Variants in ZNF362 observed in about 807,000 individuals in gnomAD.
ZNF362 encodes rotund homolog.
ZNF362 carries 11 observed loss-of-function variants against 42.9 expected under a neutral mutation model. The ratio of observed to expected loss-of-function variants is 0.26; its 90% CI spans 0.16 to 0.42. The LOEUF (loss-of-function observed/expected upper bound fraction) is 0.42. Ranked by LOEUF, ZNF362 falls within the 20% of genes least tolerant of loss-of-function variation. The pLI, the probability that ZNF362 is intolerant of heterozygous loss-of-function variation, is 1.00. For synonymous variants in ZNF362, 255 were observed against 257.3 expected (o/e 0.99, Z 0.09); for missense variants, 362 against 576.2 (o/e 0.63, Z 3.81).
At chr1:33,166,370 A>G in the ZNF362 span, 1 of 150,890 alleles carries the variant, frequency 6.6e-6, no homozygotes, top group Admixed American at 6.6e-5. Context: ...ATTGTCTTCC[A>G]TGAAGCTGGT....
the ZNF362 span, among the ~76,000 whole-genome samples, chr1:33,223,569 G>A: frequency 6.6e-6 from 1 of 152,120 alleles, no homozygotes; most frequent in Non-Finnish European, 1.5e-5. Context: ...GTAATTTTGG[G>A]TGAATCAGAA....
rs1042378725 is a variant in ZNF362 at position 33,276,461 on chromosome 1, G to A, written c.216G>A (p.Pro72=). The A allele has an allele frequency of 1.7e-5, 27 of 1,551,056 alleles. No individual in the cohort carries two copies. The highest frequency in any genetic ancestry group is 5.9e-5 in the South Asian group (5 of 84,562). The change falls in exon 4 of 9, where the codon CCG becomes CCA. Residue 72 remains proline (P), a synonymous_variant. Transcript: ENST00000539719. The part of the protein sequence containing the change: ...SASSQQPLLV[P]PAPAESSQAV... ...CGTCGCAGCAGCCGTTGCTAGTGCC[G>A]CCGGCACCCGCCGAGAGCAGCCAGG...
the ZNF362 span, among the ~76,000 whole-genome samples, chr1:33,185,193 T>A: frequency 6.6e-6 from 1 of 152,138 alleles, no homozygotes. Context: ...GGACATAGTA[T>A]GTGGTTTTCT....
In ZNF362 at chr1:33,280,179, C is replaced by A; in HGVS notation, c.405C>A (p.Gly135=). ...TGAGCACTTCTGAGTCAAGCGCGGG[C>A]GCGGGCACGGGCACGGGTACCAGCA... ...PSVSTSESSA[G]AGTGTGTSTP... Residue 135 remains glycine, a synonymous_variant, in exon 5 of 9, where the codon GGC becomes GGA. Transcript: ENST00000539719. The surrounding 1 kb of genome is among the most constrained non-coding windows in gnomAD (Gnocchi z 5.6). 6.2e-7 allele frequency: 1 copy of A among 1,611,964 alleles called. No individual in the cohort carries two copies. The highest frequency in any genetic ancestry group is 2.2e-5 in the East Asian group (1 of 44,822).
chr1:33,273,277 C>G (rs1200986040), intron 2 of ZNF362, among the ~76,000 whole-genome samples: 1 of 152,246 alleles, frequency 6.6e-6, no homozygotes, highest in Non-Finnish European at 1.5e-5. Flanking sequence ...CATTAAATTA[C>G]TTAGAACCAG....
intron 6 of ZNF362, among the ~76,000 whole-genome samples, chr1:33,284,642 G>A (rs1354549409): frequency 6.6e-6 from 1 of 152,008 alleles, no homozygotes; most frequent in Non-Finnish European, 1.5e-5. Flanking sequence ...ATTCTGAAGA[G>A]TTAGTTGGAA....
chr1:33,133,046 AG>A, the ZNF362 span, among the ~76,000 whole-genome samples: 1 of 152,214 alleles, frequency 6.6e-6, no homozygotes, highest in East Asian at 1.9e-4. Flanking sequence ...CTCCTTGGTA[AG>A]GTTCCCTGCG....
chr1:33,256,393 C>G (rs1557784272), upstream of ZNF362, among the ~76,000 whole-genome samples: 1 of 138,808 alleles, frequency 7.2e-6, no homozygotes. Flanking sequence ...AGCCGGGCGC[C>G]TGGCGCGGGG....
the ZNF362 span, among the ~76,000 whole-genome samples, chr1:33,169,009 C>T: frequency 3.0e-5 from 2 of 66,140 alleles, no homozygotes; most frequent in African/African-American, 1.3e-4. Flanking sequence ...TTGCTCCTTC[C>T]TCCTGGATCC....
the ZNF362 span, among the ~76,000 whole-genome samples, chr1:33,243,337 C>T: frequency 4.6e-5 from 7 of 151,738 alleles, no homozygotes; most frequent in Non-Finnish European, 1.0e-4. Context: ...CCGCACCACC[C>T]GGCTAATTTT....
At chr1:33,255,039 T>A (rs1373791996), upstream of ZNF362, among the ~76,000 whole-genome samples, 1 of 151,960 alleles carries the variant, frequency 6.6e-6, no homozygotes, top group African/African-American at 2.4e-5. Context: ...TCCTCTGTGC[T>A]CTCCCGCCAT....
chr1:33,251,450 A>G, the ZNF362 span, among the ~76,000 whole-genome samples: 3 of 151,942 alleles, frequency 2.0e-5, no homozygotes, highest in African/African-American at 7.3e-5. Context: ...AAGTCTCCTC[A>G]CTGCCCCCAG....
At chr1:33,172,818 C>T in the ZNF362 span, among the ~76,000 whole-genome samples, 1 of 152,146 alleles carries the variant, frequency 6.6e-6, no homozygotes, top group Non-Finnish European at 1.5e-5. Context: ...CTGTGGAAAG[C>T]CATCTCAGCT....
chr1:33,220,761 T>C, the ZNF362 span, among the ~76,000 whole-genome samples: 1 of 152,110 alleles, frequency 6.6e-6, no homozygotes, highest in African/African-American at 2.4e-5. Flanking sequence ...CAACATGGGG[T>C]CCCAGGAACC....
At position 33,270,519 on chromosome 1, in the gene ZNF362, T is replaced by C. The variant is rs556276741; in HGVS notation, c.-56T>C. 1 of 1,060,462 alleles carries C rather than the reference T, an allele frequency of 9.4e-7. No individual in the cohort carries two copies. Among genetic ancestry groups the C allele is most frequent in the Non-Finnish European group, 1.5e-6 (1 of 682,504 alleles). 65.7% of individuals were successfully genotyped at this position (1,060,462 alleles called of 1,614,324 possible). On this transcript the variant is annotated 5_prime_UTR_variant, in exon 2 of 9. Coordinates refer to ENST00000539719, the MANE Select transcript of ZNF362 (RefSeq NM_152493.3). ...TGGGAACACAGAGGAAGTGACTGGC[T>C]GGGGGTTCAGGGAAAGCTCCGTAGA...
chr1:33,147,708 C>G, the ZNF362 span: 15 of 1,612,540 alleles, frequency 9.3e-6, no homozygotes, highest in Non-Finnish European at 1.3e-5. This position sits in a 1 kb window ranked among gnomAD's most constrained non-coding sequence, Gnocchi z 8.1. Flanking sequence ...TGCCCGGGTC[C>G]AGGGTTAGGG....
the ZNF362 span, among the ~76,000 whole-genome samples, chr1:33,216,599 C>CAAAA: frequency 3.1e-3 from 223 of 71,870 alleles, 15 homozygotes; most frequent in East Asian, 0.077. Flanking sequence ...GACTCTGTCT[C>CAAAA]AAAAAAAAAA....
chr1:33,133,131 T>TA, the ZNF362 span, among the ~76,000 whole-genome samples: 1 of 152,136 alleles, frequency 6.6e-6, no homozygotes. Context: ...CATAGTCACT[T>TA]ACAGTTACAG....
At chr1:33,237,632 A>G in the ZNF362 span, among the ~76,000 whole-genome samples, 3 of 152,146 alleles carry the variant, frequency 2.0e-5, no homozygotes, top group Non-Finnish European at 4.4e-5. Context: ...TCTTCCCCTC[A>G]GTCCTCATGA....
Sources: allele counts gnomAD v4.1 joint callset (sites outside exome capture counted in the v4.1 genomes callset), GRCh38; gene constraint gnomAD v4.1.1; non-coding constraint Gnocchi (gnomAD v3.1); transcripts MANE v1.5; gene names NCBI Gene and HGNC (gene_info 2026-07-23, HGNC 2026-07-21).